TTC6: variants seen among roughly 807,000 people sequenced by gnomAD.
The protein encoded by TTC6 is tetratricopeptide repeat protein 6.
Under a neutral mutation model 210.4 loss-of-function variants are expected in TTC6, and 172 were observed. The observed-to-expected ratio is 0.82, with a 90% CI of 0.72 to 0.93. The LOEUF (loss-of-function observed/expected upper bound fraction) is 0.93. Ranked by LOEUF, TTC6 falls within the 40% of genes least tolerant of loss-of-function variation. TTC6 has a pLI of 0.00. For synonymous variants in TTC6, 804 were observed against 819.6 expected, an observed-to-expected ratio of 0.98 and a Z score of 0.32; for missense variants, 2,414 against 2,318.1, an observed-to-expected ratio of 1.04 and a Z score of -0.85.
chr14:37,817,635 G>A (rs1259819899), exon 26 of TTC6: 1 of 1,613,976 alleles, frequency 6.2e-7, no homozygotes, highest in Admixed American at 1.7e-5. Flanking sequence ...TCACGCCACT[G>A]CCATGTGCCA....
intron 7 of TTC6, among the ~76,000 whole-genome samples, chr14:37,735,022 A>C (rs1448799095): frequency 6.6e-6 from 1 of 152,154 alleles, no homozygotes; most frequent in Non-Finnish European, 1.5e-5. Context: ...GTTTGTTTTT[A>C]AAGAATAATG....
At chr14:37,824,005 G>T (rs1476001418) in intron 27 of TTC6, 48 bp downstream of exon 29, 1 of 1,549,814 alleles carries the variant, frequency 6.5e-7, no homozygotes, top group Non-Finnish European at 8.9e-7. Flanking sequence ...TGGGGAGAAA[G>T]AATATATTTG....
At chr14:37,711,510 C>T (rs192482843) in intron 5 of TTC6, among the ~76,000 whole-genome samples, 2 of 152,106 alleles carry the variant, frequency 1.3e-5, no homozygotes, top group African/African-American at 4.8e-5. Flanking sequence ...CTATAATGGC[C>T]TGTTGATTTT....
intron 1 of TTC6, among the ~76,000 whole-genome samples, chr14:37,676,560 A>T (rs1308404671): frequency 2.0e-5 from 3 of 152,034 alleles, no homozygotes; most frequent in African/African-American, 7.2e-5. Context: ...AGAAATTTTA[A>T]ATTTGGTAAA....
At chr14:37,795,281 G>T (rs1300903215) in exon 18 of TTC6, 2 of 1,529,994 alleles carry the variant, frequency 1.3e-6, no homozygotes, top group Non-Finnish European at 1.7e-6. Flanking sequence ...TGCATAAATT[G>T]AAAAAGGCAG....
upstream of TTC6, among the ~76,000 whole-genome samples, chr14:37,617,929 C>A (rs535890968): frequency 2.0e-5 from 3 of 152,210 alleles, no homozygotes; most frequent in Admixed American, 6.5e-5. Context: ...AGTGTGGTCC[C>A]CTGACTACAT....
intron 7 of TTC6, among the ~76,000 whole-genome samples, chr14:37,725,360 T>TATATAA (rs2095870940): frequency 9.0e-6 from 1 of 110,644 alleles, no homozygotes; most frequent in African/African-American, 3.5e-5. Context: ...ATATATATAA[T>TATATAA]TTTTTTTGAG....
intron 6 of TTC6, among the ~76,000 whole-genome samples, chr14:37,715,339 C>T (rs1310323825): frequency 2.0e-5 from 3 of 151,996 alleles, no homozygotes; most frequent in Non-Finnish European, 2.9e-5. Context: ...TAAATAATGT[C>T]TGAAAAGTTA....
chr14:37,698,966 C>T (rs574557702), intron 4 of TTC6, among the ~76,000 whole-genome samples: 1 of 152,210 alleles, frequency 6.6e-6, no homozygotes, highest in African/African-American at 2.4e-5. Flanking sequence ...GATCCAGGCC[C>T]AGCCAACTCC....
At chr14:37,740,371 A>C (rs1383262639) in intron 10 of TTC6, among the ~76,000 whole-genome samples, 1 of 152,184 alleles carries the variant, frequency 6.6e-6, no homozygotes, top group Admixed American at 6.5e-5. Context: ...CATATTGTGC[A>C]AAATAGTTTC....
At chr14:37,772,924 C>T (rs1391940467) in intron 14 of TTC6, among the ~76,000 whole-genome samples, 2 of 152,150 alleles carry the variant, frequency 1.3e-5, no homozygotes, top group Non-Finnish European at 2.9e-5. Context: ...AAGAAAATGT[C>T]ATTTTAATAA....
At chr14:37,622,841 G>C (rs1161419626) in exon 1 of TTC6, 5 of 1,534,016 alleles carry the variant, frequency 3.3e-6, no homozygotes, top group Non-Finnish European at 4.4e-6. Flanking sequence ...CCAGCGACGC[G>C]CGGGAGGCCG....
intron 1 of TTC6, among the ~76,000 whole-genome samples, chr14:37,669,612 T>C (rs1254507042): frequency 6.6e-6 from 1 of 152,226 alleles, no homozygotes; most frequent in Admixed American, 6.5e-5. Flanking sequence ...TATGTTCATC[T>C]AGGCTGTGAC....
rs1016136347 is a variant in TTC6, at chr14:37,739,208, C to T, written c.2363+53C>T. On this transcript the variant is annotated intron_variant, in intron 10 of 30. Transcript: ENST00000553443. ...TTAAGAAATATATTGTGGTTTTGAC[C>T]TTAATTTTATAATCTCACCCCATGA... 2.5e-5 allele frequency: 35 copies of T among 1,407,918 alleles called. No homozygotes were observed. In the African/African-American group the frequency reaches 2.8e-4, roughly 11 times the overall value. The allele number at this position is 1,407,918 out of a possible 1,614,324, so 87.2% of individuals were successfully genotyped here.
At chr14:37,602,248 A>G (rs2095617040) in intron 1 of TTC6, among the ~76,000 whole-genome samples, 2 of 152,354 alleles carry the variant, frequency 1.3e-5, no homozygotes, top group Admixed American at 1.3e-4. Context: ...GTTGACCTTA[A>G]TTGCCTCTCT....
chr14:37,816,029 T>A (rs150005787), intron 25 of TTC6, among the ~76,000 whole-genome samples: 1 of 144,364 alleles, frequency 6.9e-6, no homozygotes, highest in East Asian at 2.0e-4. Flanking sequence ...TCACTTACAC[T>A]TGTAAGTTTG....
At chr14:37,842,569 T>C (rs78142239), downstream of TTC6, 4,038 of 223,120 alleles carry the variant, frequency 0.018, 158 homozygotes, top group African/African-American at 0.084. Context: ...GGAATGTCTC[T>C]TAACATTTAA....
At chr14:37,812,465 TTTGCACA>T in intron 25 of TTC6, 32 bp downstream of exon 27, 1 of 1,533,178 alleles carries the variant, frequency 6.5e-7, no homozygotes. Flanking sequence ...CCCACTTGAT[TTTGCACA>T]TTGACTTCTG....
At chr14:37,709,093 C>G (rs1343192582) in intron 5 of TTC6, among the ~76,000 whole-genome samples, 1 of 151,958 alleles carries the variant, frequency 6.6e-6, no homozygotes, top group Non-Finnish European at 1.5e-5. Flanking sequence ...GACTGACCTT[C>G]CCCTACCATC....
Sources: allele counts gnomAD v4.1 joint callset (sites outside exome capture counted in the v4.1 genomes callset), GRCh38; gene constraint gnomAD v4.1.1; transcripts MANE v1.5; gene names NCBI Gene and HGNC (gene_info 2026-07-23, HGNC 2026-07-21).